Variants in RARB observed in about 807,000 individuals in gnomAD.
The protein encoded by RARB is HBV-activated protein.
Under a neutral mutation model 51.9 loss-of-function variants are expected in RARB, and 17 were observed. That is an observed-to-expected ratio of 0.33 (90% CI 0.22 to 0.49). The LOEUF (loss-of-function observed/expected upper bound fraction) is 0.49, where lower values mean the gene tolerates loss of function less well. Ranked by LOEUF, RARB falls within the 20% of genes least tolerant of loss-of-function variation. RARB has a pLI of 0.99. For missense variants in RARB, 369 were observed against 550.8 expected, an observed-to-expected ratio of 0.67 and a Z score of 3.30; for synonymous variants, 215 against 195.4, an observed-to-expected ratio of 1.10 and a Z score of -0.84.
intron 5 of RARB, among the ~76,000 whole-genome samples, chr3:25,345,586 A>AC (rs1462375605): frequency 6.7e-6 from 1 of 149,258 alleles, no homozygotes; most frequent in East Asian, 2.0e-4. Context: ...AATTGCTTGA[A>AC]CCCAAGAGGT....
chr3:25,304,057 A>G (rs1215545302), intron 5 of RARB, among the ~76,000 whole-genome samples: 1 of 152,230 alleles, frequency 6.6e-6, no homozygotes, highest in Non-Finnish European at 1.5e-5. Context: ...CAGTAGTATG[A>G]GTACATGTAC....
chr3:25,270,810 G>T (rs989205872), intron 5 of RARB, among the ~76,000 whole-genome samples: 1 of 152,238 alleles, frequency 6.6e-6, no homozygotes, highest in Non-Finnish European at 1.5e-5. Flanking sequence ...GTTGTAACAG[G>T]TTGGTGCAAA....
rs201784042 is a variant in RARB, at chr3:25,428,627, C to CA, written c.-99dup. On this transcript the variant is annotated 5_prime_UTR_variant, in exon 1 of 8. An upstream open reading frame in the 5' UTR loses its in-frame stop. Transcript: ENST00000330688. ...GGAAAAAGACCAACAGCCTACGTGC[C>CA]AAAAAAGGGGCAGAGTTTGATGGAG... 4,160 of 1,444,006 alleles carry CA rather than the reference C, an allele frequency of 2.9e-3. 64 individuals carry two copies. In the Admixed American group the frequency reaches 0.03, roughly 10 times the overall value. The allele number at this position is 1,444,006 out of a possible 1,614,324, so 89.4% of individuals were successfully genotyped here.
At chr3:25,104,979 G>A (rs983586787) in intron 3 of RARB, among the ~76,000 whole-genome samples, 9 of 152,120 alleles carry the variant, frequency 5.9e-5, no homozygotes, top group African/African-American at 9.7e-5. Context: ...TGAGGGTCAC[G>A]AGTGCTTGTG....
intron 4 of RARB, among the ~76,000 whole-genome samples, chr3:25,154,654 C>T (rs1700345549): frequency 6.6e-6 from 1 of 152,246 alleles, no homozygotes; most frequent in Non-Finnish European, 1.5e-5. Context: ...GTTGCCCAAA[C>T]TACATGTGTA....
chr3:25,443,622 TAA>T (rs11294103), intron 1 of RARB, among the ~76,000 whole-genome samples: 11,745 of 145,536 alleles, frequency 0.081, 632 homozygotes, highest in African/African-American at 0.14. Flanking sequence ...AAAATATATA[TAA>T]AAAAAAAAAA....
chr3:25,354,289 G>C (rs768029573), intron 5 of RARB, among the ~76,000 whole-genome samples: 1 of 151,976 alleles, frequency 6.6e-6, no homozygotes, highest in Non-Finnish European at 1.5e-5. Context: ...TCATGCTTCT[G>C]AAGACAGTAA....
chr3:25,176,000 A>T (rs11711829), intron 5 of RARB, among the ~76,000 whole-genome samples: 71,663 of 151,994 alleles, frequency 0.47, 17,699 homozygotes, highest in East Asian at 0.7. Flanking sequence ...TTAGCTAACA[A>T]ATGAGGAGGT....
At chr3:24,873,588 C>G (rs1702986855) in intron 2 of RARB, among the ~76,000 whole-genome samples, 1 of 151,408 alleles carries the variant, frequency 6.6e-6, no homozygotes, top group African/African-American at 2.4e-5. Context: ...TTCTTCAATT[C>G]CTGTCCATAT....
At chr3:25,535,408 T>C in intron 3 of RARB, among the ~76,000 whole-genome samples, 1 of 138,128 alleles carries the variant, frequency 7.2e-6, no homozygotes, top group Admixed American at 7.3e-5. Flanking sequence ...TGTGTCCTTA[T>C]CTCTTTTTTT....
rs551752126 is a variant in RARB, at chr3:25,210,139, A to G, written c.178+35564A>G. ...AGATTATCAATTTAAGACAGAAAATAATAGAAGTAGATACTAGCTAGCAGA... is the reference window on the plus strand; with the variant it reads ...AGATTATCAATTTAAGACAGAAAATGATAGAAGTAGATACTAGCTAGCAGA... On this transcript the variant is annotated intron_variant, in intron 5 of 11. Coordinates refer to the RARB transcript ENST00000383772. Among the ~76,000 whole-genome samples, 9 of 152,300 alleles carry G rather than the reference A, an allele frequency of 5.9e-5. No homozygotes were observed. The South Asian group carries it at 1.9e-3, about 32-fold the overall frequency.
At chr3:25,500,850 C>G (rs951318323) in intron 2 of RARB, among the ~76,000 whole-genome samples, 1 of 152,074 alleles carries the variant, frequency 6.6e-6, no homozygotes, top group Non-Finnish European at 1.5e-5. Context: ...TGAAATTGTT[C>G]TCGTCAGCAA....
intron 5 of RARB, among the ~76,000 whole-genome samples, chr3:25,296,873 T>C (rs1703927302): frequency 6.6e-6 from 1 of 152,178 alleles, no homozygotes; most frequent in Non-Finnish European, 1.5e-5. Flanking sequence ...AGTGCTTTAC[T>C]TCTAAACTGC....
At chr3:25,482,776 T>C (rs1170534706) in intron 2 of RARB, among the ~76,000 whole-genome samples, 1 of 151,946 alleles carries the variant, frequency 6.6e-6, no homozygotes, top group African/African-American at 2.4e-5. Flanking sequence ...CCTGACCTCA[T>C]GATCCGCCCA....
At chr3:25,242,385 C>G (rs959803576) in intron 5 of RARB, among the ~76,000 whole-genome samples, 1 of 152,110 alleles carries the variant, frequency 6.6e-6, no homozygotes, top group South Asian at 2.1e-4. Context: ...TTGCCCATGC[C>G]TATGTTCTGA....
chr3:24,930,847 C>T (rs61176331), intron 2 of RARB, among the ~76,000 whole-genome samples: 1 of 151,962 alleles, frequency 6.6e-6, no homozygotes, highest in Non-Finnish European at 1.5e-5. Context: ...TGTCTCCCCA[C>T]ATTTTTCTTT....
At chr3:25,338,257 C>T (rs1705124576) in intron 5 of RARB, among the ~76,000 whole-genome samples, 1 of 152,146 alleles carries the variant, frequency 6.6e-6, no homozygotes, top group African/African-American at 2.4e-5. Flanking sequence ...TTGCAGCAGG[C>T]ATCCCATGGG....
At chr3:25,178,842 C>T (rs996318837) in intron 5 of RARB, among the ~76,000 whole-genome samples, 5 of 152,156 alleles carry the variant, frequency 3.3e-5, no homozygotes, top group Non-Finnish European at 4.4e-5. Context: ...TGTGGTAGGG[C>T]TCTCTGTGAG....
intron 5 of RARB, among the ~76,000 whole-genome samples, chr3:25,385,081 C>T (rs1706753452): frequency 6.6e-6 from 1 of 152,192 alleles, no homozygotes; most frequent in South Asian, 2.1e-4. Context: ...GCGTACACTC[C>T]TCCCTCCACA....
Sources: allele counts gnomAD v4.1 joint callset (sites outside exome capture counted in the v4.1 genomes callset), GRCh38; gene constraint gnomAD v4.1.1; transcripts MANE v1.5; gene names NCBI Gene and HGNC (gene_info 2026-07-23, HGNC 2026-07-21).